Variants in DMD observed in about 807,000 individuals in gnomAD.
The protein encoded by DMD is dystrophin, also known as mutant dystrophin.
In DMD, 63 loss-of-function variants were observed where a neutral mutation model predicts 330.1. The observed-to-expected ratio is 0.19, with a 90% CI of 0.16 to 0.24. The LOEUF (loss-of-function observed/expected upper bound fraction) is 0.24. DMD is among the 10% of genes least tolerant of loss of function. DMD has a pLI of 1.00. For synonymous variants in DMD, 1,223 were observed against 959.8 expected (o/e 1.27, Z -5.07); for missense variants, 3,344 against 2,684.1 (o/e 1.25, Z -5.43).
At chrX:32,822,590 A>C (rs2078358134) in intron 5 of DMD, among the ~76,000 whole-genome samples, 1 of 110,036 alleles carries the variant, frequency 9.1e-6, no homozygotes, top group Non-Finnish European at 1.9e-5. Context: ...TGTGGATATG[A>C]GTGTGTATAT....
At chrX:32,975,978 T>C (rs1401735233) in intron 2 of DMD, among the ~76,000 whole-genome samples, 1 of 111,661 alleles carries the variant, frequency 9.0e-6, no homozygotes, top group Non-Finnish European at 1.9e-5. Context: ...CCTAGCACTT[T>C]GGGAGGCCGA....
At chrX:31,573,738 A>T (rs2075945522) in intron 55 of DMD, among the ~76,000 whole-genome samples, 1 of 111,705 alleles carries the variant, frequency 9.0e-6, no homozygotes, top group African/African-American at 3.3e-5. Flanking sequence ...GAAGCACATT[A>T]CTATTAGTAA....
At chrX:32,553,379 G>T (rs1025434135) in intron 16 of DMD, among the ~76,000 whole-genome samples, 6 of 110,950 alleles carry the variant, frequency 5.4e-5, no homozygotes, top group African/African-American at 2.0e-4. Flanking sequence ...CGGACTCAAA[G>T]AAGGGGACAA....
chrX:31,341,891 G>GCACACACACACACACACACACACA (rs58867858), intron 61 of DMD, among the ~76,000 whole-genome samples: 1 of 98,876 alleles, frequency 1.0e-5, no homozygotes, highest in African/African-American at 3.7e-5. Flanking sequence ...GTGCGCGCGC[G>GCACACACACACACACACACACACA]CACACACACA....
At chrX:32,676,099 T>A (rs2061949812) in intron 9 of DMD, among the ~76,000 whole-genome samples, 1 of 111,713 alleles carries the variant, frequency 9.0e-6, no homozygotes, top group African/African-American at 3.2e-5. Context: ...TTGACAGAGT[T>A]AAAAATTTCA....
intron 41 of DMD, among the ~76,000 whole-genome samples, chrX:32,331,112 T>C (rs1349331892): frequency 8.9e-6 from 1 of 111,790 alleles, no homozygotes; most frequent in African/African-American, 3.2e-5. Flanking sequence ...AGATACCCTT[T>C]GTAAAAATTT....
chrX:31,893,820 G>A (rs766635921), intron 47 of DMD, among the ~76,000 whole-genome samples: 7 of 111,488 alleles, frequency 6.3e-5, no homozygotes, highest in Admixed American at 9.5e-5. Context: ...CACCTCTACC[G>A]CTACTTATAG....
chrX:31,493,845 G>T (rs955476988), intron 57 of DMD, among the ~76,000 whole-genome samples: 1 of 111,707 alleles, frequency 9.0e-6, no homozygotes. Context: ...GATAACAATA[G>T]TAGACAGTCA....
intron 9 of DMD, among the ~76,000 whole-genome samples, chrX:32,679,947 C>T (rs2062273066): frequency 3.3e-5 from 2 of 59,962 alleles, no homozygotes; most frequent in Admixed American, 5.6e-4. Context: ...CGGAGTCTTA[C>T]TCTGTCACCC....
intron 52 of DMD, among the ~76,000 whole-genome samples, chrX:31,705,303 G>A (rs1334155447): frequency 3.5e-5 from 4 of 113,043 alleles, no homozygotes; most frequent in Non-Finnish European, 5.6e-5. Flanking sequence ...AAAATGTACA[G>A]GACTTTGCCC....
At chrX:32,393,092 C>A (rs2098015603) in intron 30 of DMD, among the ~76,000 whole-genome samples, 1 of 112,264 alleles carries the variant, frequency 8.9e-6, no homozygotes, top group Non-Finnish European at 1.9e-5. Context: ...AAAACACAGG[C>A]ATTAGTCCCT....
chrX:33,221,463 G>C (rs904714139), intron 1 of DMD, among the ~76,000 whole-genome samples: 1 of 111,115 alleles, frequency 9.0e-6, no homozygotes, highest in African/African-American at 3.3e-5. Flanking sequence ...GCATACACTA[G>C]ACAAGATGAA....
chrX:31,483,231 A>G (rs1384695819), intron 57 of DMD, among the ~76,000 whole-genome samples: 4 of 107,973 alleles, frequency 3.7e-5, no homozygotes, highest in Non-Finnish European at 5.7e-5. Context: ...TATTTTTAGT[A>G]GAGACGGGGT....
chrX:32,525,572 T>G (rs895115031), intron 17 of DMD, among the ~76,000 whole-genome samples: 3 of 111,804 alleles, frequency 2.7e-5, no homozygotes, highest in African/African-American at 9.8e-5. Context: ...CACGTTTATT[T>G]TATTCCTTAT....
Position 32,343,121 on chromosome X carries a change from A to T in DMD, c.5739+13T>A, listed in dbSNP as rs1050068031. ...TAATAAAATCTGGTATTGACATTCTAAAACAACATTACCTTTATTTTCCTT... is the reference window on the plus strand; with the variant it reads ...TAATAAAATCTGGTATTGACATTCTTAAACAACATTACCTTTATTTTCCTT... On this transcript the variant is annotated intron_variant, in intron 40 of 78. Transcript: ENST00000357033. 1.7e-6 allele frequency: 2 copies of T among 1,207,297 alleles called. No homozygotes were observed. Among genetic ancestry groups the T allele is most frequent in the Middle Eastern group, 2.3e-4 (1 of 4,335 alleles).
chrX:32,655,154 C>T (rs1366738359), intron 9 of DMD, among the ~76,000 whole-genome samples: 4 of 111,392 alleles, frequency 3.6e-5, no homozygotes, highest in Admixed American at 2.9e-4. Flanking sequence ...GGGCTCTGAT[C>T]TTAGTTATTT....
At chrX:33,322,881 A>G (rs1355185352) in intron 1 of DMD, among the ~76,000 whole-genome samples, 2 of 111,708 alleles carry the variant, frequency 1.8e-5, no homozygotes, top group Non-Finnish European at 3.8e-5. Flanking sequence ...CTTGGTGATG[A>G]GATTATCATC....
At chrX:32,921,059 G>A (rs1358013027) in intron 2 of DMD, among the ~76,000 whole-genome samples, 1 of 112,016 alleles carries the variant, frequency 8.9e-6, no homozygotes, top group East Asian at 2.8e-4. Context: ...TTACTGTTTG[G>A]AACTTCTCTC....
intron 29 of DMD, among the ~76,000 whole-genome samples, chrX:32,425,587 ATTGTCTC>A (rs1180580015): frequency 9.0e-6 from 1 of 111,349 alleles, no homozygotes; most frequent in Non-Finnish European, 1.9e-5. Context: ...TCACAGATTT[ATTGTCTC>A]TATTTGCCCT....
Sources: gnomAD v4.1 joint callset for allele counts (sites outside exome capture counted in the v4.1 genomes callset) on GRCh38, gnomAD v4.1.1 for gene constraint, MANE v1.5 for transcripts, NCBI Gene and HGNC (gene_info 2026-07-23, HGNC 2026-07-21) for gene names.